The following PTPN13 variants were observed in gnomAD, a reference collection of about 807,000 sequenced individuals.
PTPN13 encodes the protein tyrosine-protein phosphatase non-receptor type 13.
PTPN13 carries 191 observed loss-of-function variants against 284.0 expected under a neutral mutation model. The observed-to-expected ratio is 0.67, with a 90% CI of 0.60 to 0.76. The LOEUF (loss-of-function observed/expected upper bound fraction) is 0.76, where lower values mean the gene tolerates loss of function less well. Among genes scored for constraint, PTPN13 ranks in the 30% least tolerant of loss-of-function variants. The probability of loss-of-function intolerance (pLI) is 0.00; values close to 1 mark genes in which losing one functional copy is unlikely to be tolerated. For synonymous variants in PTPN13, 986 were observed against 1,022.3 expected (o/e 0.96, Z 0.68); for missense variants, 2,797 against 2,939.9 (o/e 0.95, Z 1.12).
intron 16 of PTPN13, among the ~76,000 whole-genome samples, chr4:86,742,361 T>C (rs1359526299): frequency 1.3e-5 from 2 of 152,188 alleles, no homozygotes; most frequent in African/African-American, 4.8e-5. Context: ...TTATGGAAGA[T>C]AGTTAGTGAT....
intron 7 of PTPN13, among the ~76,000 whole-genome samples, chr4:86,708,864 A>G (rs1732058370): frequency 6.6e-6 from 1 of 151,504 alleles, no homozygotes; most frequent in Non-Finnish European, 1.5e-5. Context: ...CCATGATTAT[A>G]TCTCTCCTCT....
intron 19 of PTPN13, among the ~76,000 whole-genome samples, chr4:86,751,836 G>A (rs1050236509): frequency 3.3e-5 from 5 of 151,680 alleles, no homozygotes; most frequent in African/African-American, 7.3e-5. Flanking sequence ...ATGTGCTATG[G>A]TTGATAGGTA....
intron 19 of PTPN13, among the ~76,000 whole-genome samples, chr4:86,752,079 C>T (rs1438082514): frequency 6.6e-6 from 1 of 152,048 alleles, no homozygotes. Context: ...GCACTGGAGT[C>T]GATCTTTGAA....
chr4:86,790,458 G>GA (rs570918579), intron 40 of PTPN13, among the ~76,000 whole-genome samples: 5 of 152,080 alleles, frequency 3.3e-5, no homozygotes, highest in African/African-American at 1.2e-4. Flanking sequence ...GAGGAAAGGA[G>GA]AAAAAATCAA....
intron 1 of PTPN13, among the ~76,000 whole-genome samples, chr4:86,605,525 T>A (rs1764671295): frequency 6.6e-6 from 1 of 151,920 alleles, no homozygotes; most frequent in Non-Finnish European, 1.5e-5. Context: ...GAATGAGTCC[T>A]AGGTAGAGGT....
chr4:86,793,018 G>GT (rs554849533), intron 40 of PTPN13, among the ~76,000 whole-genome samples: 2,534 of 152,124 alleles, frequency 0.017, 30 homozygotes, highest in South Asian at 0.024. Flanking sequence ...AATATTAACC[G>GT]TAAGTGTGTA....
rs1737290207 is a variant in PTPN13 at position 86,750,727 on chromosome 4, T to C, written c.2908T>C (p.Tyr970His). Residue 970 changes from tyrosine to histidine, a missense_variant, in exon 18 of 48, where the codon TAC (tyrosine) becomes CAC (histidine). Transcript: ENST00000411767. ...EEKPREMSKS[Y>H]HDLSQASLYP... is the part of the protein sequence containing the mutation. Reference sequence around the variant, plus strand: ...AAAGCCTAGAGAGATGAGTAAATCATACCATGATCTCAGTCAGGCCTCTCT... The same window carrying C: ...AAAGCCTAGAGAGATGAGTAAATCACACCATGATCTCAGTCAGGCCTCTCT... 1 of 1,613,738 alleles carries C rather than the reference T, an allele frequency of 6.2e-7. No individual in the cohort carries two copies.
At chr4:86,719,142 C>G (rs1021979316) in intron 9 of PTPN13, among the ~76,000 whole-genome samples, 5 of 152,168 alleles carry the variant, frequency 3.3e-5, no homozygotes, top group Non-Finnish European at 7.4e-5. Context: ...TCTCCCCACT[C>G]AAGTAGACCC....
chr4:86,648,266 C>A (rs2148793349), intron 2 of PTPN13, among the ~76,000 whole-genome samples: 1 of 152,150 alleles, frequency 6.6e-6, no homozygotes, highest in Non-Finnish European at 1.5e-5. Context: ...CTGAAATATG[C>A]AATAAATTGT....
intron 1 of PTPN13, among the ~76,000 whole-genome samples, chr4:86,596,722 A>G (rs908644063): frequency 1.1e-4 from 17 of 152,154 alleles, no homozygotes; most frequent in African/African-American, 1.7e-4. Context: ...AATGGGGTGT[A>G]TATTTTTCCA....
At chr4:86,684,110 A>AAAAG (rs1729189692) in intron 3 of PTPN13, among the ~76,000 whole-genome samples, 1 of 152,128 alleles carries the variant, frequency 6.6e-6, no homozygotes, top group Non-Finnish European at 1.5e-5. Flanking sequence ...TAAAAAAAAA[A>AAAAG]AAAAGCTGTT....
chr4:86,813,499 A>G (rs1013220980), intron 47 of PTPN13, among the ~76,000 whole-genome samples: 2 of 152,012 alleles, frequency 1.3e-5, no homozygotes, highest in East Asian at 3.9e-4. Context: ...AGGCTGGAGC[A>G]CAGTCCGTGA....
At chr4:86,644,324 G>A (rs1020766919) in intron 2 of PTPN13, among the ~76,000 whole-genome samples, 2 of 152,042 alleles carry the variant, frequency 1.3e-5, no homozygotes, top group Non-Finnish European at 2.9e-5. Context: ...ATTTTTAGTA[G>A]AGATGGAATT....
intron 4 of PTPN13, among the ~76,000 whole-genome samples, chr4:86,687,180 A>C (rs1468564423): frequency 2.0e-5 from 3 of 152,212 alleles, no homozygotes; most frequent in Non-Finnish European, 4.4e-5. Flanking sequence ...CAAAAACTCT[A>C]GGAATAGTAG....
Position 86,737,857 on chromosome 4 carries a change from T to G in PTPN13, c.2304+2111T>G, listed in dbSNP as rs567964762. On this transcript the variant is annotated intron_variant, in intron 15 of 47. Coordinates refer to ENST00000411767, the MANE Select transcript of PTPN13 (RefSeq NM_080683.3). Reference sequence around the variant, plus strand: ...CATTCTCCTGCCTCAGCCTCTCAAGTAGCTGGGACTACAGGCACATGCCAC... The same window carrying G: ...CATTCTCCTGCCTCAGCCTCTCAAGGAGCTGGGACTACAGGCACATGCCAC... Among the ~76,000 whole-genome samples, 5 of 152,236 alleles carry G rather than the reference T, an allele frequency of 3.3e-5. 1 individual carries two copies. In the South Asian group the frequency reaches 1.0e-3, roughly 32 times the overall value.
intron 7 of PTPN13, among the ~76,000 whole-genome samples, chr4:86,714,737 A>G (rs1238344136): frequency 2.0e-5 from 3 of 152,114 alleles, no homozygotes; most frequent in Non-Finnish European, 4.4e-5. Flanking sequence ...ACTTATATAC[A>G]TTTATTCACT....
intron 9 of PTPN13, among the ~76,000 whole-genome samples, chr4:86,718,240 T>G (rs1020900010): frequency 6.6e-6 from 1 of 152,202 alleles, no homozygotes; most frequent in Non-Finnish European, 1.5e-5. Context: ...TATTTCAGTT[T>G]GTTTAATTCA....
Position 86,734,784 on chromosome 4 carries a change from T to C in PTPN13, c.2060T>C (p.Ile687Thr), listed in dbSNP as rs755399432. 1.9e-6 allele frequency: 3 copies of C among 1,613,410 alleles called. No homozygotes were observed. The highest frequency in any genetic ancestry group is 2.2e-5 in the South Asian group (2 of 90,968). ...HQYYLQLRKD[I>T]LEERMHCDDE... is the part of the protein sequence containing the mutation. ...TATTACCTTCAGCTTCGAAAAGATA[T>C]TTTGGAGGAAAGGATGCACTGTGAT... The change falls in exon 14 of 48, where the codon ATT (isoleucine) becomes ACT (threonine). Residue 687 changes from isoleucine to threonine, a missense_variant. Ile to Thr is a moderately conservative substitution (Grantham distance 89). Transcript: ENST00000411767.
intron 1 of PTPN13, among the ~76,000 whole-genome samples, chr4:86,622,469 T>C (rs1384978906): frequency 6.6e-6 from 1 of 152,202 alleles, no homozygotes; most frequent in African/African-American, 2.4e-5. Flanking sequence ...TTACTTCATT[T>C]GTTTCTAATG....
Sources: gnomAD v4.1 joint callset for allele counts (sites outside exome capture counted in the v4.1 genomes callset) on GRCh38, gnomAD v4.1.1 for gene constraint, MANE v1.5 for transcripts, NCBI Gene and HGNC (gene_info 2026-07-23, HGNC 2026-07-21) for gene names.